APBB2: variants seen among roughly 807,000 people sequenced by gnomAD.
APBB2 encodes the protein amyloid beta precursor protein binding family B member 2.
Under a neutral mutation model 82.5 loss-of-function variants are expected in APBB2, and 38 were observed. The ratio of observed to expected loss-of-function variants is 0.46; its 90% CI spans 0.36 to 0.60. The LOEUF (loss-of-function observed/expected upper bound fraction) is 0.60. Ranked by LOEUF, APBB2 falls within the 20% of genes least tolerant of loss-of-function variation. APBB2 has a pLI of 0.00. For missense variants in APBB2, 772 were observed against 972.3 expected, an observed-to-expected ratio of 0.79 and a Z score of 2.74; for synonymous variants, 341 against 368.2, an observed-to-expected ratio of 0.93 and a Z score of 0.85.
chr4:41,202,268 T>C (rs1442369082), intron 1 of APBB2, among the ~76,000 whole-genome samples: 1 of 152,248 alleles, frequency 6.6e-6, no homozygotes, highest in Non-Finnish European at 1.5e-5. Flanking sequence ...ACTGTCTGTC[T>C]CTAAATTTAC....
At chr4:41,203,484 T>C (rs990329242) in intron 1 of APBB2, among the ~76,000 whole-genome samples, 1 of 152,194 alleles carries the variant, frequency 6.6e-6, no homozygotes, top group African/African-American at 2.4e-5. Context: ...ATTCACATAT[T>C]TTCTGCTCAA....
At chr4:40,965,053 G>T (rs1399189281) in intron 6 of APBB2, among the ~76,000 whole-genome samples, 3 of 151,938 alleles carry the variant, frequency 2.0e-5, no homozygotes, top group Non-Finnish European at 4.4e-5. Flanking sequence ...TCGGGAGGTG[G>T]AGGTTGCAGT....
chr4:41,070,582 G>A (rs1159115121), intron 3 of APBB2, among the ~76,000 whole-genome samples: 4 of 152,294 alleles, frequency 2.6e-5, no homozygotes, highest in Non-Finnish European at 5.9e-5. Context: ...GACTACAGGC[G>A]TGAGCCACCA....
chr4:41,161,175 A>C (rs1325340864), intron 1 of APBB2, among the ~76,000 whole-genome samples: 4 of 84,700 alleles, frequency 4.7e-5, no homozygotes, highest in Non-Finnish European at 8.0e-5. Context: ...CCTGGCAAAA[A>C]AAAAAAAAAA....
intron 12 of APBB2, among the ~76,000 whole-genome samples, chr4:40,846,015 G>GGTGGGTGT (rs910367465): frequency 2.5e-5 from 3 of 119,858 alleles, no homozygotes; most frequent in African/African-American, 9.9e-5. Flanking sequence ...GTGTGAGTGG[G>GGTGGGTGT]GTGTGTGTGT....
chr4:40,851,738 A>ATATATTTTTTTT (rs1192919460), intron 12 of APBB2, among the ~76,000 whole-genome samples: 1 of 67,736 alleles, frequency 1.5e-5, no homozygotes, highest in Non-Finnish European at 3.3e-5. Context: ...ATATATATAT[A>ATATATTTTTTTT]TTTTTTTTTT....
chr4:40,815,822 TAAGTA>T lies in APBB2; in HGVS notation c.*265_*269del, dbSNP rs1485790384. The T allele has an allele frequency of 2.7e-5, 10 of 376,802 alleles. No homozygotes were observed. The highest frequency in any genetic ancestry group is 8.7e-5 in the East Asian group (2 of 23,080). The allele number at this position is 376,802 out of a possible 1,614,324, so 23.3% of individuals were successfully genotyped here. ...ACTCTTCTCTGTGTGTGTGTGAAGT[TAAGTA>T]ATGTTCACAATATTTACAATAAGAA... On this transcript the variant is annotated 3_prime_UTR_variant, in exon 18 of 18. Transcript: ENST00000508593.
At chr4:40,956,185 A>T (rs1218544211) in intron 6 of APBB2, among the ~76,000 whole-genome samples, 1 of 151,996 alleles carries the variant, frequency 6.6e-6, no homozygotes, top group Non-Finnish European at 1.5e-5. Flanking sequence ...GTGTTGTCAG[A>T]ATATAGCAAG....
intron 12 of APBB2, among the ~76,000 whole-genome samples, chr4:40,853,474 G>A (rs1033684231): frequency 2.0e-5 from 3 of 150,724 alleles, no homozygotes; most frequent in Non-Finnish European, 4.4e-5. Flanking sequence ...TTTTTGCGAT[G>A]GAGTTTCGCT....
Position 40,982,221 on chromosome 4 carries a change from G to GAAAGAAA in APBB2, c.835+31361_835+31362insTTTCTTT, listed in dbSNP as rs766666523. The stretch of plus-strand genomic sequence containing the variant: ...AAAGAAAGAAAAGAAAGAAAAGAAA[G>GAAAGAAA]GAAAGAAAGAAAGAAAGAAAGAAAG... On this transcript the variant is annotated intron_variant, in intron 6 of 17. Coordinates refer to ENST00000508593, the MANE Select transcript of APBB2 (RefSeq NM_004307.2). 2.1e-3 allele frequency among the ~76,000 whole-genome samples: 27 copies of GAAAGAAA among 12,904 alleles called. 2 individuals are homozygous for GAAAGAAA. The highest frequency in any genetic ancestry group is 4.6e-3 in the African/African-American group (14 of 3,028). The allele number at this position is 12,904 out of a possible 152,430, so 8.5% of individuals were successfully genotyped here.
chr4:41,016,587 G>A (rs1238307667), intron 5 of APBB2, among the ~76,000 whole-genome samples: 1 of 151,986 alleles, frequency 6.6e-6, no homozygotes, highest in Non-Finnish European at 1.5e-5. Flanking sequence ...GGAGGTAGAG[G>A]TTGCAGTGAG....
intron 6 of APBB2, among the ~76,000 whole-genome samples, chr4:40,962,778 T>C (rs904982529): frequency 3.9e-5 from 6 of 152,088 alleles, no homozygotes; most frequent in Non-Finnish European, 7.4e-5. Context: ...GGGGAGTACA[T>C]ATCACCATAC....
At chr4:40,828,837 C>T (rs147089813) in intron 13 of APBB2, among the ~76,000 whole-genome samples, 65 of 152,302 alleles carry the variant, frequency 4.3e-4, no homozygotes, top group African/African-American at 1.3e-3. Context: ...GAGCAGCAGA[C>T]GGGGGCACTC....
At chr4:40,835,928 G>A (rs1753774646) in intron 12 of APBB2, among the ~76,000 whole-genome samples, 1 of 152,166 alleles carries the variant, frequency 6.6e-6, no homozygotes. Context: ...GAATAACTCT[G>A]GGGTCCCTGC....
chr4:40,927,627 G>T (rs1006584222), intron 10 of APBB2, among the ~76,000 whole-genome samples: 1 of 152,028 alleles, frequency 6.6e-6, no homozygotes, highest in African/African-American at 2.4e-5. Flanking sequence ...GACTACAGAC[G>T]CATGCCACCA....
intron 6 of APBB2, among the ~76,000 whole-genome samples, chr4:41,011,346 A>G (rs1318904165): frequency 6.6e-6 from 1 of 151,254 alleles, no homozygotes; most frequent in Non-Finnish European, 1.5e-5. Context: ...ACACCAAGCT[A>G]ATTTTTGTAC....
At chr4:41,037,948 T>A (rs1340028647) in intron 4 of APBB2, among the ~76,000 whole-genome samples, 1 of 151,892 alleles carries the variant, frequency 6.6e-6, no homozygotes, top group Non-Finnish European at 1.5e-5. Flanking sequence ...CATACGGAGT[T>A]TAGAGTTGTT....
chr4:41,202,272 A>C (rs1242090621), intron 1 of APBB2, among the ~76,000 whole-genome samples: 1 of 152,136 alleles, frequency 6.6e-6, no homozygotes, highest in African/African-American at 2.4e-5. Flanking sequence ...TCTGTCTCTA[A>C]ATTTACTGTA....
intron 4 of APBB2, among the ~76,000 whole-genome samples, chr4:41,055,640 T>C (rs76294361): frequency 0.17 from 25,269 of 152,040 alleles, 2,253 homozygotes; most frequent in Non-Finnish European, 0.21. Flanking sequence ...CTGACTCCTC[T>C]CTCATCTACT....
Sources: allele counts gnomAD v4.1 joint callset (sites outside exome capture counted in the v4.1 genomes callset), GRCh38; gene constraint gnomAD v4.1.1; transcripts MANE v1.5; gene names NCBI Gene and HGNC (gene_info 2026-07-23, HGNC 2026-07-21).